Variants in IL1RAPL1 observed in about 807,000 individuals in gnomAD.
IL1RAPL1 encodes interleukin-1 receptor accessory protein-like 1.
Under a neutral mutation model 48.4 loss-of-function variants are expected in IL1RAPL1, and 3 were observed. The ratio of observed to expected loss-of-function variants is 0.06; its 90% CI spans 0.03 to 0.16. The LOEUF (loss-of-function observed/expected upper bound fraction) is 0.16. IL1RAPL1 is among the 10% of genes least tolerant of loss of function. The pLI is 1.00. For synonymous variants in IL1RAPL1, 185 were observed against 187.7 expected, an observed-to-expected ratio of 0.99 and a Z score of 0.12; for missense variants, 349 against 530.6, an observed-to-expected ratio of 0.66 and a Z score of 3.36.
At chrX:29,314,105 G>A (rs1231177426) in intron 3 of IL1RAPL1, among the ~76,000 whole-genome samples, 6 of 111,726 alleles carry the variant, frequency 5.4e-5, no homozygotes, top group South Asian at 7.4e-4. Flanking sequence ...CAAAACAACC[G>A]CCATAATAGC....
chrX:29,711,677 C>T (rs1199553974), intron 6 of IL1RAPL1, among the ~76,000 whole-genome samples: 1 of 111,013 alleles, frequency 9.0e-6, no homozygotes, highest in Non-Finnish European at 1.9e-5. Flanking sequence ...TATCTAGATT[C>T]TATTTAATTA....
At chrX:29,863,572 A>C (rs1235795928) in intron 6 of IL1RAPL1, among the ~76,000 whole-genome samples, 1 of 111,474 alleles carries the variant, frequency 9.0e-6, no homozygotes, top group Non-Finnish European at 1.9e-5. Context: ...CTCATGAGAG[A>C]AAAGTTTATG....
chrX:29,917,351 G>C lies in IL1RAPL1; in HGVS notation c.779-113G>C, dbSNP rs1213636953. On this transcript the variant is annotated intron_variant, in intron 6 of 10. Coordinates refer to ENST00000378993, the MANE Select transcript of IL1RAPL1 (RefSeq NM_014271.4). ...AAATCCCTGAAAAATTATTCTTTTA[G>C]AAAGATATTTTATTAAATCAATGAA... is the stretch of plus-strand genomic sequence containing the variant. The C allele has an allele frequency of 5.8e-6, 4 of 688,157 alleles. No individual in the cohort carries two copies. In the Admixed American group the frequency reaches 1.4e-4, roughly 24 times the overall value. The allele number at this position is 688,157 out of a possible 1,213,427, so 56.7% of individuals were successfully genotyped here.
rs184250621 is a variant in IL1RAPL1 at position 29,764,075 on chromosome X, G to A, written c.778+95571G>A. 6.3e-5 allele frequency among the ~76,000 whole-genome samples: 7 copies of A among 111,351 alleles called. No homozygotes were observed. The East Asian group carries it at 1.7e-3, about 27-fold the overall frequency. ...TTTAAAACAAAAAAGCCCTTAAAGC[G>A]TGCTATGAATAAAGTAGGAAACAAA... On this transcript the variant is annotated intron_variant, in intron 6 of 10. Transcript: ENST00000378993.
At chrX:28,973,315 G>A (rs759510430) in intron 2 of IL1RAPL1, among the ~76,000 whole-genome samples, 4 of 112,082 alleles carry the variant, frequency 3.6e-5, no homozygotes, top group South Asian at 3.7e-4. Context: ...AAACCAATGC[G>A]TTATGGCAAT....
In IL1RAPL1 at chrX:29,142,893, G is replaced by T. The variant is rs556921140; in HGVS notation, c.83-140045G>T. ...TTTTTGTATTTTTAGTAGAGACAGGGTTTCACCATGTTGGCCAGGCTGGTC... is the reference window on the plus strand; with the variant it reads ...TTTTTGTATTTTTAGTAGAGACAGGTTTTCACCATGTTGGCCAGGCTGGTC... On this transcript the variant is annotated intron_variant, in intron 2 of 10. Transcript: ENST00000378993. Among the ~76,000 whole-genome samples, 14 of 109,997 alleles carry T rather than the reference G, an allele frequency of 1.3e-4. 1 individual carries two copies. In the South Asian group the frequency reaches 5.5e-3, roughly 43 times the overall value.
chrX:29,884,853 T>C (rs938361961), intron 6 of IL1RAPL1, among the ~76,000 whole-genome samples: 3 of 111,595 alleles, frequency 2.7e-5, no homozygotes, highest in African/African-American at 9.8e-5. Context: ...ACATCCAATC[T>C]GTCAGGAAAT....
At chrX:28,930,991 A>G (rs1923867255) in intron 2 of IL1RAPL1, among the ~76,000 whole-genome samples, 1 of 110,758 alleles carries the variant, frequency 9.0e-6, no homozygotes, top group South Asian at 3.8e-4. Flanking sequence ...TTGGGTTTTC[A>G]AGGAAATACC....
intron 6 of IL1RAPL1, among the ~76,000 whole-genome samples, chrX:29,839,517 T>G (rs1055990668): frequency 1.4e-4 from 16 of 112,586 alleles, no homozygotes; most frequent in Non-Finnish European, 3.0e-4. Context: ...AGCTATGCAT[T>G]AACCTGGAGG....
At chrX:29,217,775 T>TCACACACACA (rs757477605) in intron 2 of IL1RAPL1, among the ~76,000 whole-genome samples, 11 of 68,428 alleles carry the variant, frequency 1.6e-4, no homozygotes, top group African/African-American at 4.0e-4. Context: ...TCTCTCTCTC[T>TCACACACACA]CTCACACACA....
chrX:28,798,545 A>G (rs761432101), intron 2 of IL1RAPL1, among the ~76,000 whole-genome samples: 2 of 111,768 alleles, frequency 1.8e-5, no homozygotes, highest in Non-Finnish European at 3.8e-5. Context: ...CAAATTGGAA[A>G]CGTACCTTTT....
At chrX:29,862,996 A>G (rs1370468312) in intron 6 of IL1RAPL1, among the ~76,000 whole-genome samples, 5 of 107,480 alleles carry the variant, frequency 4.7e-5, no homozygotes, top group Non-Finnish European at 9.6e-5. Context: ...AAAAGGCTAG[A>G]GAAAAAAATA....
intron 2 of IL1RAPL1, among the ~76,000 whole-genome samples, chrX:29,043,316 T>A (rs1166740822): frequency 9.0e-6 from 1 of 111,686 alleles, no homozygotes; most frequent in Non-Finnish European, 1.9e-5. Context: ...TCCTCATTTT[T>A]AATTCATCCA....
Position 28,905,197 on chromosome X carries a change from A to G in IL1RAPL1, c.82+115772A>G, listed in dbSNP as rs761187029. Among the ~76,000 whole-genome samples, 20 of 111,132 alleles carry G rather than the reference A, an allele frequency of 1.8e-4. No individual in the cohort carries two copies. In the South Asian group the frequency reaches 7.1e-3, roughly 39 times the overall value. On this transcript the variant is annotated intron_variant, in intron 2 of 10. Transcript: ENST00000378993. ...TCTATGCATTATTATTATCACTACT[A>G]ATCTGTAATTTTATAGTATTGTATA...
At chrX:28,972,477 G>A (rs371357953) in intron 2 of IL1RAPL1, among the ~76,000 whole-genome samples, 3 of 111,448 alleles carry the variant, frequency 2.7e-5, no homozygotes, top group African/African-American at 9.8e-5. Context: ...GGTGGCTCAC[G>A]CCTGTAATCC....
chrX:29,232,789 A>AT (rs911020717), intron 2 of IL1RAPL1, among the ~76,000 whole-genome samples: 6 of 109,338 alleles, frequency 5.5e-5, no homozygotes, highest in South Asian at 3.9e-4. Flanking sequence ...TTTTATTTTT[A>AT]TTTTTTTTTA....
intron 2 of IL1RAPL1, among the ~76,000 whole-genome samples, chrX:29,199,029 C>G (rs942174183): frequency 2.7e-5 from 3 of 111,588 alleles, no homozygotes. Flanking sequence ...AAATGGGGAA[C>G]TAATTCATGT....
chrX:29,932,236 A>G (rs1252234458), intron 8 of IL1RAPL1, among the ~76,000 whole-genome samples: 1 of 112,234 alleles, frequency 8.9e-6, no homozygotes, highest in Non-Finnish European at 1.9e-5. Flanking sequence ...GAAATATTTC[A>G]AACACTGCCT....
chrX:28,798,723 T>C (rs766168752), intron 2 of IL1RAPL1, among the ~76,000 whole-genome samples: 3 of 111,504 alleles, frequency 2.7e-5, no homozygotes, highest in Non-Finnish European at 5.6e-5. Flanking sequence ...CAGATGGGAA[T>C]GGAAGAGAAA....
Sources: allele counts gnomAD v4.1 joint callset (sites outside exome capture counted in the v4.1 genomes callset), GRCh38; gene constraint gnomAD v4.1.1; transcripts MANE v1.5; gene names NCBI Gene and HGNC (gene_info 2026-07-23, HGNC 2026-07-21).